STAP1: variants seen among roughly 807,000 people sequenced by gnomAD.
STAP1 encodes signal-transducing adaptor protein 1.
A neutral mutation model predicts 37.8 loss-of-function variants in STAP1; 30 were observed. That is an observed-to-expected ratio of 0.79 (90% confidence interval 0.59 to 1.08). The LOEUF (loss-of-function observed/expected upper bound fraction) is 1.08. STAP1 is among the 50% of genes least tolerant of loss of function. The probability of loss-of-function intolerance (pLI) is 0.00; values close to 1 mark genes in which losing one functional copy is unlikely to be tolerated. For synonymous variants in STAP1, 130 were observed against 116.0 expected (o/e 1.12, Z -0.78); for missense variants, 357 against 349.4 (o/e 1.02, Z -0.17).
intron 1 of STAP1, among the ~76,000 whole-genome samples, chr4:67,562,550 G>T (rs1452209055): frequency 1.3e-5 from 2 of 150,296 alleles, no homozygotes; most frequent in Non-Finnish European, 3.0e-5. Context: ...CGGATCACGA[G>T]GTCAGAAGAT....
chr4:67,566,160 C>A (rs1272068579), intron 1 of STAP1, among the ~76,000 whole-genome samples: 2 of 152,040 alleles, frequency 1.3e-5, no homozygotes, highest in Non-Finnish European at 2.9e-5. Context: ...GTTGGCCAGA[C>A]TGGCCTCGAA....
chr4:67,580,416 A>G (rs1400248358), intron 4 of STAP1, among the ~76,000 whole-genome samples: 1 of 152,216 alleles, frequency 6.6e-6, no homozygotes, highest in East Asian at 1.9e-4. Flanking sequence ...GCATATTAAA[A>G]CATATATAAT....
At chr4:67,602,610 T>C (rs1395705982) in intron 8 of STAP1, among the ~76,000 whole-genome samples, 1 of 152,132 alleles carries the variant, frequency 6.6e-6, no homozygotes, top group Non-Finnish European at 1.5e-5. Flanking sequence ...ACTTGTAGAG[T>C]ACTGCCTTGA....
At chr4:67,604,466 C>A (rs1454373860) in intron 8 of STAP1, among the ~76,000 whole-genome samples, 2 of 152,150 alleles carry the variant, frequency 1.3e-5, no homozygotes, top group Non-Finnish European at 2.9e-5. Flanking sequence ...TCCACCTCCT[C>A]TCTCCATTGG....
At chr4:67,570,761 G>A (rs939002792) in intron 1 of STAP1, among the ~76,000 whole-genome samples, 4 of 151,772 alleles carry the variant, frequency 2.6e-5, no homozygotes, top group African/African-American at 9.7e-5. Flanking sequence ...AAGGAGGGAG[G>A]GAGGAAGGAA....
chr4:67,596,298 G>A (rs1728222289), intron 8 of STAP1, among the ~76,000 whole-genome samples: 1 of 152,138 alleles, frequency 6.6e-6, no homozygotes, highest in South Asian at 2.1e-4. Flanking sequence ...TGTCATGATT[G>A]TAAGTTTCCT....
intron 8 of STAP1, among the ~76,000 whole-genome samples, chr4:67,603,022 G>C (rs1728377371): frequency 6.6e-6 from 1 of 151,872 alleles, no homozygotes; most frequent in Non-Finnish European, 1.5e-5. Context: ...CCATCCAGGA[G>C]CCAGGGCCTG....
At position 67,594,950 on chromosome 4, in the gene STAP1, A is replaced by C. The variant is rs138279603; in HGVS notation, c.826+1594A>C. Reference sequence around the variant, plus strand: ...CGATACAAGCTTTTTGTGTGTGTGCATGTGTGTGATTGGGAAGTATTTTCT... The same window carrying C: ...CGATACAAGCTTTTTGTGTGTGTGCCTGTGTGTGATTGGGAAGTATTTTCT... On this transcript the variant is annotated intron_variant, in intron 8 of 8. Transcript: ENST00000265404. Among the ~76,000 whole-genome samples the C allele has an allele frequency of 3.3e-3, 503 of 151,916 alleles. 1 individual carries two copies. Among genetic ancestry groups the C allele is most frequent in the African/African-American group, 0.011 (466 of 41,434 alleles).
chr4:67,568,149 A>G (rs1042023259), intron 1 of STAP1, among the ~76,000 whole-genome samples: 3 of 152,226 alleles, frequency 2.0e-5, no homozygotes, highest in African/African-American at 7.2e-5. Flanking sequence ...TCATTATTTG[A>G]GAAAATAAGC....
intron 1 of STAP1, among the ~76,000 whole-genome samples, chr4:67,567,631 G>A (rs1727501260): frequency 6.6e-6 from 1 of 152,226 alleles, no homozygotes; most frequent in South Asian, 2.1e-4. Context: ...TGGGTTATGT[G>A]ACATGTGTTG....
chr4:67,564,312 CA>C (rs1727417758), intron 1 of STAP1, among the ~76,000 whole-genome samples: 1 of 152,116 alleles, frequency 6.6e-6, no homozygotes, highest in Non-Finnish European at 1.5e-5. Flanking sequence ...ATCCTTTCCA[CA>C]AGTATATACG....
intron 4 of STAP1, among the ~76,000 whole-genome samples, chr4:67,579,952 G>A (rs963862849): frequency 9.9e-5 from 15 of 151,884 alleles, no homozygotes; most frequent in South Asian, 4.2e-4. Context: ...TGCAAATTCC[G>A]CCTCCCAGGT....
intron 1 of STAP1, among the ~76,000 whole-genome samples, chr4:67,570,665 A>G (rs72848532): frequency 0.092 from 13,956 of 151,362 alleles, 893 homozygotes; most frequent in African/African-American, 0.18. Context: ...CTGAAAAAAG[A>G]AAGAAAAGAA....
Position 67,606,657 on chromosome 4 carries a change from C to T in STAP1, c.*300C>T, listed in dbSNP as rs1181064046. The T allele has an allele frequency of 4.5e-6, 1 of 219,826 alleles. No individual in the cohort carries two copies. The highest frequency in any genetic ancestry group is 2.3e-5 in the African/African-American group (1 of 44,088). 13.6% of individuals were successfully genotyped at this position (219,826 alleles called of 1,614,324 possible). On this transcript the variant is annotated 3_prime_UTR_variant, in exon 9 of 9. Transcript: ENST00000265404. ...TCTAGATGGAATTTTTTTCTTTAGGCCTCAATGAAATACATTTCCCCTATA... is the reference window on the plus strand; with the variant it reads ...TCTAGATGGAATTTTTTTCTTTAGGTCTCAATGAAATACATTTCCCCTATA...
intron 8 of STAP1, 133 bp from the exon 9 acceptor site, chr4:67,606,163 T>C: frequency 1.6e-6 from 1 of 628,894 alleles, no homozygotes; most frequent in Non-Finnish European, 2.7e-6. Flanking sequence ...TCAGTATTTA[T>C]TTTCCTAACA....
At chr4:67,558,992 G>GGTGAT in intron 1 of STAP1, 63 bp downstream of exon 1, 1 of 1,485,230 alleles carries the variant, frequency 6.7e-7, no homozygotes, top group East Asian at 2.4e-5. Context: ...TTTATTTCAT[G>GGTGAT]GTGATGTGAT....
At chr4:67,581,278 C>A in intron 4 of STAP1, 27 bp from the exon 5 acceptor site, 1 of 1,600,566 alleles carries the variant, frequency 6.2e-7, no homozygotes, top group South Asian at 1.1e-5. Context: ...TGTTTTCTTG[C>A]CTGCCTACTC....
intron 1 of STAP1, among the ~76,000 whole-genome samples, chr4:67,562,068 C>CAA (rs71219057): frequency 2.8e-4 from 22 of 77,256 alleles, no homozygotes; most frequent in East Asian, 9.1e-4. Flanking sequence ...GAGACTCTGT[C>CAA]AAAAAAAAAA....
intron 7 of STAP1, among the ~76,000 whole-genome samples, chr4:67,592,147 G>T (rs1282472638): frequency 6.6e-6 from 1 of 151,846 alleles, no homozygotes; most frequent in Non-Finnish European, 1.5e-5. Flanking sequence ...TAGAGACAGG[G>T]GTCTTGCTGT....
Sources: gnomAD v4.1 joint callset for allele counts (sites outside exome capture counted in the v4.1 genomes callset) on GRCh38, gnomAD v4.1.1 for gene constraint, MANE v1.5 for transcripts, NCBI Gene and HGNC (gene_info 2026-07-23, HGNC 2026-07-21) for gene names.